CCDC192: variants seen among roughly 807,000 people sequenced by gnomAD.
CCDC192 encodes the protein coiled-coil domain-containing protein 192.
intron 1 of CCDC192, among the ~76,000 whole-genome samples, chr5:127,705,242 T>G (rs947901796): frequency 2.6e-5 from 4 of 152,202 alleles, no homozygotes; most frequent in Admixed American, 6.5e-5. Context: ...GTTACCATGG[T>G]TACTCTGAGG....
At chr5:127,818,401 G>T (rs912623235) in intron 5 of CCDC192, among the ~76,000 whole-genome samples, 10 of 152,048 alleles carry the variant, frequency 6.6e-5, no homozygotes, top group African/African-American at 2.4e-4. Context: ...CGAATCCTGG[G>T]TTCTACTCCT....
chr5:127,900,087 A>G (rs1346691923), intron 6 of CCDC192, among the ~76,000 whole-genome samples: 1 of 152,252 alleles, frequency 6.6e-6, no homozygotes, highest in East Asian at 1.9e-4. Context: ...GAAAGAGTGT[A>G]GAGCGGAAAG....
chr5:127,876,323 G>A (rs538290851), intron 6 of CCDC192, among the ~76,000 whole-genome samples: 1 of 152,194 alleles, frequency 6.6e-6, no homozygotes, highest in South Asian at 2.1e-4. Flanking sequence ...ACAGTGCTAT[G>A]GGCCAGGTAT....
intron 5 of CCDC192, among the ~76,000 whole-genome samples, chr5:127,862,219 TTCTC>T (rs546516966): frequency 3.7e-4 from 56 of 152,172 alleles, no homozygotes; most frequent in South Asian, 1.0e-3. Flanking sequence ...ACAAATCTCT[TTCTC>T]TCTCAAGCTG....
At chr5:127,767,485 T>C (rs1755295521) in intron 3 of CCDC192, among the ~76,000 whole-genome samples, 1 of 152,240 alleles carries the variant, frequency 6.6e-6, no homozygotes, top group Non-Finnish European at 1.5e-5. Flanking sequence ...TATTTCTGTG[T>C]AATTACTTTA....
At chr5:127,765,620 A>G (rs1755177976) in intron 3 of CCDC192, among the ~76,000 whole-genome samples, 1 of 152,238 alleles carries the variant, frequency 6.6e-6, no homozygotes, top group South Asian at 2.1e-4. Flanking sequence ...TTCAAGGAGC[A>G]CAGCCTGTTT....
intron 5 of CCDC192, among the ~76,000 whole-genome samples, chr5:127,867,625 C>T (rs368280277): frequency 2.0e-5 from 3 of 152,144 alleles, no homozygotes; most frequent in African/African-American, 4.8e-5. Context: ...CCAGGCACTG[C>T]GAGGTGTGAC....
At chr5:127,729,009 C>A (rs1310030467) in intron 2 of CCDC192, among the ~76,000 whole-genome samples, 1 of 152,096 alleles carries the variant, frequency 6.6e-6, no homozygotes. Flanking sequence ...TGAGTTCAAG[C>A]AATTCTCCTG....
chr5:127,896,446 T>C (rs959915963), intron 6 of CCDC192, among the ~76,000 whole-genome samples: 22 of 152,016 alleles, frequency 1.4e-4, no homozygotes, highest in Non-Finnish European at 2.9e-4. Flanking sequence ...TTTTTTTTTT[T>C]TCTTGAGACG....
At chr5:127,816,051 T>C (rs375871863) in intron 5 of CCDC192, among the ~76,000 whole-genome samples, 4 of 152,138 alleles carry the variant, frequency 2.6e-5, no homozygotes, top group African/African-American at 9.7e-5. Context: ...TATTAGACAA[T>C]GTACTTTAAA....
chr5:127,856,790 C>T (rs1003736674), intron 5 of CCDC192, among the ~76,000 whole-genome samples: 1 of 152,144 alleles, frequency 6.6e-6, no homozygotes, highest in Non-Finnish European at 1.5e-5. Flanking sequence ...AGCATCAGAA[C>T]ATACACACTA....
At chr5:127,834,331 T>C (rs189371651) in intron 5 of CCDC192, among the ~76,000 whole-genome samples, 16 of 152,330 alleles carry the variant, frequency 1.1e-4, no homozygotes, top group Admixed American at 3.9e-4. Flanking sequence ...TGTTAAACTA[T>C]ACAAGCTGAA....
intron 5 of CCDC192, among the ~76,000 whole-genome samples, chr5:127,819,394 T>C (rs969829846): frequency 6.6e-6 from 1 of 152,164 alleles, no homozygotes; most frequent in African/African-American, 2.4e-5. Flanking sequence ...GCCATACAAA[T>C]ACAGGCGGTT....
At chr5:127,804,696 G>A (rs1757687155) in intron 5 of CCDC192, among the ~76,000 whole-genome samples, 1 of 152,188 alleles carries the variant, frequency 6.6e-6, no homozygotes, top group South Asian at 2.1e-4. Flanking sequence ...TCCTGAACCA[G>A]AAACATTAGC....
intron 3 of CCDC192, chr5:127,785,885 T>G (rs2126943363): frequency 5.1e-6 from 2 of 389,270 alleles, no homozygotes; most frequent in Non-Finnish European, 1.0e-5. Context: ...ACAAAGCCAG[T>G]GTCATTGTTA....
At chr5:127,794,834 TGA>T (rs1179682598) in intron 3 of CCDC192, among the ~76,000 whole-genome samples, 1 of 152,036 alleles carries the variant, frequency 6.6e-6, no homozygotes, top group Non-Finnish European at 1.5e-5. Context: ...TGGGCCCAAC[TGA>T]GAGAGATTAT....
At chr5:127,937,083 T>C (rs1243520989) in intron 6 of CCDC192, among the ~76,000 whole-genome samples, 1 of 152,238 alleles carries the variant, frequency 6.6e-6, no homozygotes, top group Non-Finnish European at 1.5e-5. Flanking sequence ...TTAGTTGTAA[T>C]GTATTTAGAA....
chr5:127,732,042 T>C (rs1008794230), intron 2 of CCDC192, among the ~76,000 whole-genome samples: 5 of 152,138 alleles, frequency 3.3e-5, no homozygotes, highest in Non-Finnish European at 7.3e-5. Context: ...CAAAAGAAAC[T>C]GTCATTAGAG....
intron 5 of CCDC192, among the ~76,000 whole-genome samples, chr5:127,868,004 T>C (rs1024155666): frequency 7.0e-6 from 1 of 141,870 alleles, no homozygotes; most frequent in African/African-American, 2.5e-5. Context: ...CCAGCTTTTC[T>C]TTTTCTTTTT....
Sources: allele counts gnomAD v4.1 joint callset (sites outside exome capture counted in the v4.1 genomes callset), GRCh38; gene constraint gnomAD v4.1.1; transcripts MANE v1.5; gene names NCBI Gene and HGNC (gene_info 2026-07-23, HGNC 2026-07-21).